PPFIA1: variants seen among roughly 807,000 people sequenced by gnomAD.
PPFIA1 encodes liprin-alpha-1.
A neutral mutation model predicts 149.9 loss-of-function variants in PPFIA1; 25 were observed. That is an observed-to-expected ratio of 0.17 (90% CI 0.12 to 0.23). PPFIA1 has a LOEUF of 0.23. Among genes scored for constraint, PPFIA1 ranks in the 10% least tolerant of loss-of-function variants. PPFIA1 has a pLI of 1.00. For synonymous variants in PPFIA1, 549 were observed against 552.8 expected, an observed-to-expected ratio of 0.99 and a Z score of 0.10; for missense variants, 1,362 against 1,506.5, an observed-to-expected ratio of 0.90 and a Z score of 1.59.
intron 2 of PPFIA1, among the ~76,000 whole-genome samples, chr11:70,276,335 GAA>G (rs1270540194): frequency 2.0e-5 from 3 of 151,202 alleles, no homozygotes; most frequent in Non-Finnish European, 4.4e-5. Flanking sequence ...GAGCTCCTGA[GAA>G]AGAGCACCTC....
rs1159673952 is a variant in PPFIA1, at chr11:70,383,211, T to G, written c.*221T>G. On this transcript the variant is annotated 3_prime_UTR_variant, in exon 28 of 28. Coordinates refer to ENST00000253925, the MANE Select transcript of PPFIA1 (RefSeq NM_003626.5). Reference sequence around the variant, plus strand: ...AATGTTTCTTATATTTATGTAAACTTATGACTCTTCATTTATATAGTTACT... The same window carrying G: ...AATGTTTCTTATATTTATGTAAACTGATGACTCTTCATTTATATAGTTACT... 3.2e-6 allele frequency: 1 copy of G among 313,776 alleles called. No homozygotes were observed. The highest frequency in any genetic ancestry group is 5.9e-6 in the Non-Finnish European group (1 of 168,976). 19.4% of individuals were successfully genotyped at this position (313,776 alleles called of 1,614,324 possible).
At chr11:70,364,290 A>C (rs1009688938) in intron 21 of PPFIA1, 3 of 152,210 alleles carry the variant, frequency 2.0e-5, no homozygotes, top group African/African-American at 7.2e-5. Context: ...CCATGTGGGA[A>C]GTCCCTCAAA....
intron 7 of PPFIA1, among the ~76,000 whole-genome samples, chr11:70,328,987 A>G (rs192889459): frequency 4.3e-4 from 66 of 152,350 alleles, no homozygotes; most frequent in Non-Finnish European, 6.5e-4. Context: ...TTGAAACTGT[A>G]TAGTAATCAT....
intron 26 of PPFIA1, among the ~76,000 whole-genome samples, chr11:70,380,836 GATT>G (rs962125015): frequency 2.0e-5 from 3 of 151,240 alleles, no homozygotes; most frequent in South Asian, 2.1e-4. Flanking sequence ...CTGCTAAAGG[GATT>G]ATTATTATTA....
rs114870449 is a variant in PPFIA1 at position 70,320,730 on chromosome 11, C to T, written c.265-3672C>T. ...GAGATTACAGGCAAGAGCCACCATG[C>T]CTGGCCTTAGATGGTTTTTGGAGCT... On this transcript the variant is annotated intron_variant, in intron 2 of 27. Transcript: ENST00000253925. Among the ~76,000 whole-genome samples the T allele has an allele frequency of 3.0e-3, 464 of 152,256 alleles. 2 individuals are homozygous for T. Among genetic ancestry groups the T allele is most frequent in the African/African-American group, 0.011 (450 of 41,546 alleles).
intron 16 of PPFIA1, among the ~76,000 whole-genome samples, chr11:70,348,766 G>A (rs141783314): frequency 6.8e-4 from 103 of 152,240 alleles, no homozygotes; most frequent in African/African-American, 2.5e-3. Flanking sequence ...AGCTACTCTG[G>A]AGGTTGAGGT....
In PPFIA1 at chr11:70,362,143, A is replaced by G. The variant is rs752413559; in HGVS notation, c.2631A>G (p.Gln877=). 1.9e-6 allele frequency: 3 copies of G among 1,614,226 alleles called. No homozygotes were observed. Among genetic ancestry groups the G allele is most frequent in the East Asian group, 2.2e-5 (1 of 44,884 alleles). The change falls in exon 20 of 28, where the codon CAA becomes CAG. Residue 877 remains glutamine (Q), a synonymous_variant. Transcript: ENST00000253925. ...EARRQGLPFA[Q]WDGPTVVVWL... ...GGAGACAAGGTTTACCTTTTGCCCAATGGGACGGGCCAACGGTTGTGGTCT... is the reference window on the plus strand; with the variant it reads ...GGAGACAAGGTTTACCTTTTGCCCAGTGGGACGGGCCAACGGTTGTGGTCT...
intron 2 of PPFIA1, chr11:70,319,788 A>G (rs929344914): frequency 6.6e-6 from 1 of 152,346 alleles, no homozygotes; most frequent in Non-Finnish European, 1.5e-5. Context: ...CACGCTGCCC[A>G]TGCCCCAGCC....
chr11:70,322,177 C>A (rs1301849806), intron 2 of PPFIA1, among the ~76,000 whole-genome samples: 1 of 152,194 alleles, frequency 6.6e-6, no homozygotes, highest in Admixed American at 6.5e-5. Context: ...CCATGCCTGG[C>A]CTAATAATGG....
chr11:70,294,320 C>T (rs570739), intron 2 of PPFIA1, among the ~76,000 whole-genome samples: 134,894 of 152,128 alleles, frequency 0.89, 60,161 homozygotes, highest in East Asian at 1. Flanking sequence ...CCTGAGTGAA[C>T]GTTTGGAGAT....
intron 2 of PPFIA1, among the ~76,000 whole-genome samples, chr11:70,282,011 C>T (rs1021260343): frequency 2.1e-4 from 32 of 151,658 alleles, no homozygotes; most frequent in African/African-American, 7.3e-4. Flanking sequence ...CCACTCACCT[C>T]GCTTAGGCTA....
At chr11:70,298,976 C>T (rs2052286034) in intron 2 of PPFIA1, among the ~76,000 whole-genome samples, 1 of 152,168 alleles carries the variant, frequency 6.6e-6, no homozygotes. Flanking sequence ...CAGTGGCTCA[C>T]ACCTGTAATC....
chr11:70,318,341 A>G (rs1484029483), intron 2 of PPFIA1, among the ~76,000 whole-genome samples: 1 of 151,574 alleles, frequency 6.6e-6, no homozygotes. Context: ...CTCCCACCAC[A>G]CCTCTGGATC....
chr11:70,325,581 T>C lies in PPFIA1; in HGVS notation c.606+7T>C, dbSNP rs1487235615. 6.5e-7 allele frequency: 1 copy of C among 1,542,632 alleles called. No homozygotes were observed. The stretch of plus-strand genomic sequence containing the variant: ...AGGTGCCACACACAAAGAGGTAAGC[T>C]TGAGACTTCATCATGAGTTGAATTG... On this transcript the variant is annotated splice_region_variant and intron_variant, in intron 5 of 27. Transcript: ENST00000253925.
rs1320853103 is a variant in PPFIA1, at chr11:70,330,254, T to C, written c.1012T>C (p.Ser338Pro). ...CCTCGCTGCACAGCGTGAAGCCACATCTGTGCATGACCTCAATGATAAACT... is the reference window on the plus strand; with the variant it reads ...CCTCGCTGCACAGCGTGAAGCCACACCTGTGCATGACCTCAATGATAAACT... ...RYLAAQREATSVHDLNDKLEN... is the reference protein window; with the variant it reads ...RYLAAQREATPVHDLNDKLEN... The change falls in exon 8 of 28, where the codon TCT becomes CCT. Residue 338 changes from serine (S) to proline (P), a missense_variant. Ser to Pro is a moderately conservative substitution (Grantham distance 74, BLOSUM62 -1). This residue lies in a region of PPFIA1 where 733 missense variants were observed against 744.1 expected (regional missense o/e 0.99). Coordinates refer to ENST00000253925, the MANE Select transcript of PPFIA1 (RefSeq NM_003626.5). 1.2e-6 allele frequency: 2 copies of C among 1,600,594 alleles called. No individual in the cohort carries two copies. The highest frequency in any genetic ancestry group is 2.7e-5 in the African/African-American group (2 of 74,100).
intron 12 of PPFIA1, 59 bp downstream of exon 12, chr11:70,337,486 A>T: frequency 7.6e-7 from 1 of 1,316,772 alleles, no homozygotes; most frequent in Non-Finnish European, 1.1e-6. Context: ...GATGATGATG[A>T]TAGTTACTGC....
rs1188846440 is a variant in PPFIA1, at chr11:70,352,382, A to G, written c.2164-1919A>G. ...CAGAGCACGGCCTTCAGTTCAGCTG[A>G]CTTCTGTTGGATTGTTTTTTCTTTA... is the stretch of plus-strand genomic sequence containing the variant. On this transcript the variant is annotated intron_variant, in intron 16 of 27. Coordinates refer to ENST00000253925, the MANE Select transcript of PPFIA1 (RefSeq NM_003626.5). Among the ~76,000 whole-genome samples, 34 of 152,130 alleles carry G rather than the reference A, an allele frequency of 2.2e-4. 2 individuals carry two copies. The highest frequency in any genetic ancestry group is 2.2e-3 in the Admixed American group (34 of 15,264).
intron 21 of PPFIA1, 69 bp downstream of exon 21, chr11:70,362,557 G>C: frequency 1.4e-6 from 2 of 1,451,132 alleles, no homozygotes; most frequent in South Asian, 2.7e-5. Flanking sequence ...TCACTGCCCT[G>C]TTTACATTGC....
At chr11:70,318,664 T>G (rs1200830956) in intron 2 of PPFIA1, among the ~76,000 whole-genome samples, 1 of 152,224 alleles carries the variant, frequency 6.6e-6, no homozygotes, top group Non-Finnish European at 1.5e-5. Flanking sequence ...TTGAACTCAG[T>G]CCAGTGAGGG....
Sources: allele counts gnomAD v4.1 joint callset (sites outside exome capture counted in the v4.1 genomes callset), GRCh38; gene constraint gnomAD v4.1.1; regional missense constraint gnomAD v4.1.1; transcripts MANE v1.5; gene names NCBI Gene and HGNC (gene_info 2026-07-23, HGNC 2026-07-21).